Variants in SETD9 observed in about 807,000 individuals in gnomAD.
The protein encoded by SETD9 is SET domain-containing protein 9.
SETD9 carries 37 observed loss-of-function variants against 36.4 expected under a neutral mutation model. The observed-to-expected ratio is 1.02, with a 90% CI of 0.78 to 1.34. The LOEUF (loss-of-function observed/expected upper bound fraction) is 1.34. Among genes scored for constraint, SETD9 ranks in the 40% most tolerant of loss-of-function variants. The pLI, the probability that SETD9 is intolerant of heterozygous loss-of-function variation, is 0.00. For synonymous variants in SETD9, 128 were observed against 132.9 expected (o/e 0.96, Z 0.26); for missense variants, 323 against 353.2 (o/e 0.91, Z 0.69).
chr5:56,913,047 A>C lies in SETD9; in HGVS notation c.503A>C (p.Gln168Pro). 6.2e-7 allele frequency: 1 copy of C among 1,613,970 alleles called. No homozygotes were observed. The highest frequency in any genetic ancestry group is 1.1e-5 in the South Asian group (1 of 91,076). ...CAGAAGTATGAGCCGATCTTTTTCC[A>C]GTCCATTGGAAATCCGTTTATTTTT... The part of the protein sequence containing the change: ...VYQKYEPIFF[Q>P]SIGNPFIFRC... The change falls in exon 3 of 6, where the codon CAG becomes CCG. Residue 168 changes from glutamine to proline, a missense_variant. Transcript: ENST00000285947.
At chr5:56,913,763 CTTTTTT>C (rs74270761) in intron 3 of SETD9, 105 bp from the exon 4 acceptor site, 1 of 528,846 alleles carries the variant, frequency 1.9e-6, no homozygotes, top group Non-Finnish European at 3.3e-6. Context: ...ATACTAAAGT[CTTTTTT>C]TTTTTTTTTT....
intron 5 of SETD9, among the ~76,000 whole-genome samples, chr5:56,916,360 C>T (rs1360963477): frequency 6.6e-6 from 1 of 151,362 alleles, no homozygotes; most frequent in African/African-American, 2.4e-5. Flanking sequence ...CCACTGCACA[C>T]CAGCCTGGGT....
downstream of SETD9, among the ~76,000 whole-genome samples, chr5:56,918,432 C>CTT (rs1014932489): frequency 2.0e-5 from 3 of 152,186 alleles, no homozygotes; most frequent in African/African-American, 7.2e-5. Context: ...CTCTTTAGCA[C>CTT]TTACCACCAG....
At chr5:56,927,486 G>C (rs1750049793), downstream of SETD9, among the ~76,000 whole-genome samples, 1 of 152,034 alleles carries the variant, frequency 6.6e-6, no homozygotes, top group African/African-American at 2.4e-5. Flanking sequence ...CTTCCTTTAG[G>C]ATGAAAAGAG....
intron 3 of SETD9, 64 bp from the exon 4 acceptor site, chr5:56,913,810 T>G: frequency 6.2e-6 from 6 of 961,546 alleles, no homozygotes; most frequent in Non-Finnish European, 9.6e-6. Context: ...AATTCTAGGG[T>G]TTTGTATTTT....
In SETD9 at chr5:56,924,213, C is replaced by A. The variant is rs565619238; in HGVS notation, c.813-1120C>A. On this transcript the variant is annotated intron_variant, in intron 5 of 5. Coordinates refer to the SETD9 transcript ENST00000628593. ...TCTGAACACTTTGATTAGTGGAATG[C>A]CTTTACATTTAATAATGAGGCCATT... is the stretch of plus-strand genomic sequence containing the variant. Among the ~76,000 whole-genome samples the A allele has an allele frequency of 2.2e-4, 34 of 152,062 alleles. No homozygotes were observed. The Middle Eastern group carries it at 0.014, about 61-fold the overall frequency.
intron 5 of SETD9, 101 bp downstream of exon 5, chr5:56,915,067 T>C (rs1263926019): frequency 4.1e-6 from 3 of 729,478 alleles, no homozygotes; most frequent in Non-Finnish European, 6.1e-6. Flanking sequence ...ATTTTTTTTT[T>C]AGTGAAAAAT....
At chr5:56,913,260 TC>T in intron 3 of SETD9, 126 bp downstream of exon 3, 1 of 1,169,404 alleles carries the variant, frequency 8.6e-7, no homozygotes, top group Non-Finnish European at 1.2e-6. Context: ...TGCTATGTTG[TC>T]CAGGCTGGTT....
chr5:56,920,774 T>C (rs561956456), downstream of SETD9: 27 of 152,368 alleles, frequency 1.8e-4, no homozygotes, highest in African/African-American at 4.6e-4. Context: ...TCAGAAAATA[T>C]TGAATTAGAT....
chr5:56,920,957 T>G (rs188514411), downstream of SETD9: 51 of 152,700 alleles, frequency 3.3e-4, no homozygotes, highest in African/African-American at 1.2e-3. Context: ...TTTTCTCTCA[T>G]ACCATTTTCT....
downstream of SETD9, among the ~76,000 whole-genome samples, chr5:56,918,566 C>G (rs1234384669): frequency 3.3e-5 from 5 of 152,218 alleles, no homozygotes; most frequent in Non-Finnish European, 5.9e-5. Flanking sequence ...ACTCTGAGCT[C>G]TCACATGGCA....
chr5:56,925,293 C>A, intron 5 of SETD9: 1 of 450,322 alleles, frequency 2.2e-6, no homozygotes, highest in South Asian at 1.6e-5. Context: ...AAAAAGTATA[C>A]AGATTGGGAA....
chr5:56,927,678 G>A (rs252896), downstream of SETD9, among the ~76,000 whole-genome samples: 151,592 of 152,304 alleles, frequency 1, 75,446 homozygotes, highest in Non-Finnish European at 1. Flanking sequence ...TTGGAGTAGT[G>A]TATCTGTTAA....
Position 56,914,985 on chromosome 5 carries a change from CATTTCA to C in SETD9, c.812+20_812+25del. 6.5e-7 allele frequency: 1 copy of C among 1,535,974 alleles called. No homozygotes were observed. The highest frequency in any genetic ancestry group is 2.3e-5 in the East Asian group (1 of 43,928). On this transcript the variant is annotated intron_variant, in intron 5 of 5. Coordinates refer to ENST00000285947, the MANE Select transcript of SETD9 (RefSeq NM_153706.4). ...AACAAAGGTTCGTTTGCTAAAAGAG[CATTTCA>C]TATCTTCTGCTTATGCTGTACTTAA...
chr5:56,916,984 C>A lies in SETD9; in HGVS notation c.*82C>A. ...TTGTTAATCACTTCTCTGAGTTCTA[C>A]CTGTAAAACAAATATTTTGAGACTT... On this transcript the variant is annotated 3_prime_UTR_variant, in exon 6 of 6. Transcript: ENST00000285947. 1.4e-6 allele frequency: 2 copies of A among 1,424,698 alleles called. No individual in the cohort carries two copies. Among genetic ancestry groups the A allele is most frequent in the Non-Finnish European group, 1.8e-6 (2 of 1,091,612 alleles). 88.3% of individuals were successfully genotyped at this position (1,424,698 alleles called of 1,614,324 possible).
At chr5:56,909,360 C>G (rs1352015292), upstream of SETD9, 2 of 337,908 alleles carry the variant, frequency 5.9e-6, no homozygotes, top group African/African-American at 4.4e-5. Flanking sequence ...GCAACCAGGG[C>G]TAGCGCTTGT....
At chr5:56,923,758 G>A in intron 5 of SETD9, 1 of 1,614,152 alleles carries the variant, frequency 6.2e-7, no homozygotes. Flanking sequence ...GCTCAGGCCG[G>A]TTAGAAGTTA....
At chr5:56,916,748 G>C in intron 5 of SETD9, 67 bp from the exon 6 acceptor site, 3 of 1,526,200 alleles carry the variant, frequency 2.0e-6, no homozygotes, top group South Asian at 1.3e-5. Context: ...AAGCCATCTT[G>C]GTTATATTAA....
At chr5:56,914,627 CAT>C (rs1360924052) in intron 4 of SETD9, among the ~76,000 whole-genome samples, 5 of 152,030 alleles carry the variant, frequency 3.3e-5, no homozygotes, top group South Asian at 2.1e-4. Flanking sequence ...AGTAATAAAA[CAT>C]GTTTTATATA....
Sources: allele counts gnomAD v4.1 joint callset (sites outside exome capture counted in the v4.1 genomes callset), GRCh38; gene constraint gnomAD v4.1.1; transcripts MANE v1.5; gene names NCBI Gene and HGNC (gene_info 2026-07-23, HGNC 2026-07-21).